The following DIP2C variants were observed in gnomAD, a reference collection of about 807,000 sequenced individuals.
The protein encoded by DIP2C is disco-interacting protein 2 homolog C.
Under a neutral mutation model 192.4 loss-of-function variants are expected in DIP2C, and 33 were observed. The ratio of observed to expected loss-of-function variants is 0.17; its 90% CI spans 0.13 to 0.23. The LOEUF (loss-of-function observed/expected upper bound fraction) is 0.23, where lower values mean the gene tolerates loss of function less well. Among genes scored for constraint, DIP2C ranks in the 10% least tolerant of loss-of-function variants. DIP2C has a pLI of 1.00. For synonymous variants in DIP2C, 979 were observed against 864.1 expected (o/e 1.13, Z -2.33); for missense variants, 1,537 against 2,110.1 (o/e 0.73, Z 5.32).
At chr10:546,929 GAATC>G (rs1387793272) in intron 1 of DIP2C, among the ~76,000 whole-genome samples, 5 of 152,168 alleles carry the variant, frequency 3.3e-5, no homozygotes, top group African/African-American at 9.7e-5. Flanking sequence ...TGAGATGAAA[GAATC>G]AATTTGTTCA....
chr10:530,755 G>A (rs1433745629), intron 1 of DIP2C, among the ~76,000 whole-genome samples: 1 of 151,706 alleles, frequency 6.6e-6, no homozygotes, highest in Non-Finnish European at 1.5e-5. Context: ...GCTGTCAGAC[G>A]AGATGGACTC....
chr10:483,066 C>A (rs1843721735), intron 2 of DIP2C, among the ~76,000 whole-genome samples: 1 of 152,216 alleles, frequency 6.6e-6, no homozygotes, highest in Non-Finnish European at 1.5e-5. Context: ...TGAATCCCGA[C>A]TGGAGGCCCC....
chr10:563,349 A>G (rs1409819606), intron 1 of DIP2C, among the ~76,000 whole-genome samples: 2 of 152,228 alleles, frequency 1.3e-5, no homozygotes, highest in African/African-American at 2.4e-5. Flanking sequence ...AATAATGGCA[A>G]TATTTCCCCG....
chr10:521,095 T>A (rs976370553), intron 1 of DIP2C, among the ~76,000 whole-genome samples: 1 of 152,236 alleles, frequency 6.6e-6, no homozygotes, highest in African/African-American at 2.4e-5. Context: ...ATGTAATGTA[T>A]ACATTAGTAA....
intron 29 of DIP2C, 127 bp from the exon 30 acceptor site, chr10:329,728 G>T: frequency 1.6e-6 from 2 of 1,218,254 alleles, no homozygotes; most frequent in Non-Finnish European, 1.1e-6. Context: ...GCTGCCATCT[G>T]TAGAAGGGCA....
chr10:338,032 G>A (rs1022121891), intron 29 of DIP2C, among the ~76,000 whole-genome samples: 1 of 152,148 alleles, frequency 6.6e-6, no homozygotes, highest in African/African-American at 2.4e-5. Flanking sequence ...AGGCTGATGT[G>A]TATGCGTGTA....
In DIP2C at chr10:364,574, G is replaced by A. The variant is rs1216131169; in HGVS notation, c.2277C>T (p.Pro759=). 1 of 1,613,684 alleles carries A rather than the reference G, an allele frequency of 6.2e-7. No homozygotes were observed. The highest frequency in any genetic ancestry group is 8.5e-7 in the Non-Finnish European group (1 of 1,179,652). Residue 759 remains proline (P), a synonymous_variant, in exon 20 of 37, where the codon CCC becomes CCT. Transcript: ENST00000280886. ...TGATCGGAGCCCCGGAGCTTGTCATGGGAAACACCTGGGGGAAACAGCATC... is the reference window on the plus strand; with the variant it reads ...TGATCGGAGCCCCGGAGCTTGTCATAGGAAACACCTGGGGGAAACAGCATC... The part of the protein sequence containing the change: ...GMTKNTFEVF[P]MTSSGAPISE...
chr10:535,320 C>G (rs1219230737), intron 1 of DIP2C, among the ~76,000 whole-genome samples: 1 of 151,538 alleles, frequency 6.6e-6, no homozygotes, highest in African/African-American at 2.4e-5. Flanking sequence ...GAGAGGGGCG[C>G]TGTGGAAACT....
intron 1 of DIP2C, among the ~76,000 whole-genome samples, chr10:564,283 A>G (rs1849354276): frequency 6.7e-6 from 1 of 149,900 alleles, no homozygotes; most frequent in Non-Finnish European, 1.5e-5. Flanking sequence ...GGACATAACC[A>G]TCCTCATCTC....
intron 1 of DIP2C, among the ~76,000 whole-genome samples, chr10:499,445 G>T (rs1304952091): frequency 6.6e-6 from 1 of 152,216 alleles, no homozygotes; most frequent in African/African-American, 2.4e-5. Flanking sequence ...ACATGGCTGG[G>T]GAGACCTCAG....
intron 4 of DIP2C, among the ~76,000 whole-genome samples, chr10:425,338 C>G (rs1447450662): frequency 2.0e-5 from 2 of 101,550 alleles, no homozygotes; most frequent in Non-Finnish European, 3.9e-5. Context: ...ACGGATGATA[C>G]AGCATGACCA....
intron 31 of DIP2C, among the ~76,000 whole-genome samples, chr10:314,058 G>A (rs1322324352): frequency 1.3e-5 from 2 of 152,188 alleles, no homozygotes. Flanking sequence ...GACGAGAAAA[G>A]GTTTGGGTTG....
chr10:407,960 C>T (rs964464565), intron 9 of DIP2C, among the ~76,000 whole-genome samples: 1 of 152,104 alleles, frequency 6.6e-6, no homozygotes, highest in Admixed American at 6.5e-5. Flanking sequence ...CTTTTGTTGC[C>T]TGTGGTTCGG....
At chr10:369,423 G>A (rs1960690062) in intron 18 of DIP2C, 71 bp downstream of exon 18, 1 of 1,467,868 alleles carries the variant, frequency 6.8e-7, no homozygotes, top group African/African-American at 1.4e-5. Flanking sequence ...TGGGAACGCA[G>A]GCTTTGGTGA....
chr10:422,130 A>T (rs7091790), intron 5 of DIP2C, among the ~76,000 whole-genome samples: 2 of 152,152 alleles, frequency 1.3e-5, no homozygotes, highest in African/African-American at 4.8e-5. Context: ...CGACGTGGTA[A>T]GCAGTCGTCT....
chr10:568,315 C>A (rs1288537000), intron 1 of DIP2C, among the ~76,000 whole-genome samples: 1 of 152,148 alleles, frequency 6.6e-6, no homozygotes, highest in African/African-American at 2.4e-5. Flanking sequence ...AGTGAAGATA[C>A]CGACTCATGC....
At chr10:395,829 A>G (rs1479888101) in intron 10 of DIP2C, among the ~76,000 whole-genome samples, 2 of 152,152 alleles carry the variant, frequency 1.3e-5, no homozygotes, top group Non-Finnish European at 2.9e-5. Flanking sequence ...CATCACATGC[A>G]CAGGTTACAG....
chr10:677,917 G>A lies in DIP2C; in HGVS notation c.85+11577C>T, dbSNP rs1050786442. 7.2e-5 allele frequency among the ~76,000 whole-genome samples: 11 copies of A among 152,210 alleles called. No individual in the cohort carries two copies. The East Asian group carries it at 1.5e-3, about 21-fold the overall frequency. ...GGAGCTGTCTGGCTCATGTGCACCC[G>A]GCGTGGTCCAGTGCATGAGGATGCC... is the stretch of plus-strand genomic sequence containing the variant. On this transcript the variant is annotated intron_variant, in intron 1 of 36. Coordinates refer to ENST00000280886, the MANE Select transcript of DIP2C (RefSeq NM_014974.3).
At chr10:501,466 C>T (rs1464048985) in intron 1 of DIP2C, among the ~76,000 whole-genome samples, 1 of 151,880 alleles carries the variant, frequency 6.6e-6, no homozygotes, top group Non-Finnish European at 1.5e-5. Flanking sequence ...CATATGTATT[C>T]AAGGATTTTT....
Sources: gnomAD v4.1 joint callset for allele counts (sites outside exome capture counted in the v4.1 genomes callset) on GRCh38, gnomAD v4.1.1 for gene constraint, MANE v1.5 for transcripts, NCBI Gene and HGNC (gene_info 2026-07-23, HGNC 2026-07-21) for gene names.